Variants in WDR37 observed in about 807,000 individuals in gnomAD.
WDR37 encodes the protein WD repeat-containing protein 37.
WDR37 carries 19 observed loss-of-function variants against 62.9 expected under a neutral mutation model. That is an observed-to-expected ratio of 0.30 (90% CI 0.21 to 0.44). The LOEUF (loss-of-function observed/expected upper bound fraction) is 0.44. Among genes scored for constraint, WDR37 ranks in the 20% least tolerant of loss-of-function variants. WDR37 has a pLI of 1.00. For missense variants in WDR37, 474 were observed against 657.6 expected (o/e 0.72, Z 3.05); for synonymous variants, 250 against 260.9 (o/e 0.96, Z 0.40).
intron 11 of WDR37, among the ~76,000 whole-genome samples, chr10:1,110,603 G>A (rs1220350308): frequency 6.6e-6 from 1 of 152,242 alleles, no homozygotes; most frequent in Admixed American, 6.5e-5. Flanking sequence ...GTGAGGTCCG[G>A]GGTGCGGGTT....
chr10:1,125,971 C>G lies in WDR37; in HGVS notation c.1353+947C>G, dbSNP rs115327037. On this transcript the variant is annotated intron_variant, in intron 13 of 13. Transcript: ENST00000263150. ...ATGGCACCCGCACAGATGCAGAGGC[C>G]CAGGGGGCCTGGGGGCCCGTGTTCA... 2.7e-3 allele frequency among the ~76,000 whole-genome samples: 409 copies of G among 152,262 alleles called. 1 individual carries two copies. Among genetic ancestry groups the G allele is most frequent in the African/African-American group, 9.1e-3 (380 of 41,556 alleles).
chr10:1,110,677 T>G (rs1220260916), intron 11 of WDR37, among the ~76,000 whole-genome samples: 2 of 152,232 alleles, frequency 1.3e-5, no homozygotes, highest in Non-Finnish European at 2.9e-5. Flanking sequence ...GTCTGGGACG[T>G]TCTGAACATG....
At chr10:1,092,040 C>T (rs957363015) in intron 7 of WDR37, among the ~76,000 whole-genome samples, 27 of 151,544 alleles carry the variant, frequency 1.8e-4, no homozygotes, top group Admixed American at 1.1e-3. Flanking sequence ...ATTAGCCGGG[C>T]GTGTTGGCGG....
chr10:1,068,694 G>GA (rs1564496749), intron 1 of WDR37, among the ~76,000 whole-genome samples: 1 of 151,952 alleles, frequency 6.6e-6, no homozygotes, highest in Admixed American at 6.6e-5. Flanking sequence ...GACACTCTTA[G>GA]AAAAAAACCA....
chr10:1,092,872 C>CAAAAAAAAAAAAA (rs56220560), intron 7 of WDR37, among the ~76,000 whole-genome samples: 1,047 of 41,944 alleles, frequency 0.025, 73 homozygotes, highest in Middle Eastern at 0.032. Context: ...CCCTATCTCA[C>CAAAAAAAAAAAAA]AAAAAAAAAA....
intron 9 of WDR37, among the ~76,000 whole-genome samples, chr10:1,100,863 C>T (rs1417520514): frequency 6.6e-6 from 1 of 152,192 alleles, no homozygotes; most frequent in Non-Finnish European, 1.5e-5. Flanking sequence ...TACCCCCCTG[C>T]TGCAGCCTGT....
At chr10:1,126,252 A>G (rs1457459558) in intron 13 of WDR37, among the ~76,000 whole-genome samples, 4 of 151,982 alleles carry the variant, frequency 2.6e-5, no homozygotes, top group Admixed American at 1.3e-4. Flanking sequence ...AAAAATACAA[A>G]AAAATCAGCC....
chr10:1,064,560 A>G (rs1244893523), intron 1 of WDR37, among the ~76,000 whole-genome samples: 1 of 146,830 alleles, frequency 6.8e-6, no homozygotes, highest in Admixed American at 6.8e-5. Flanking sequence ...CTGTAGTGGG[A>G]AACAATTTGA....
At chr10:1,099,111 T>C (rs1834702696) in intron 9 of WDR37, among the ~76,000 whole-genome samples, 1 of 152,254 alleles carries the variant, frequency 6.6e-6, no homozygotes, top group Non-Finnish European at 1.5e-5. Flanking sequence ...CATGTATTTA[T>C]ACCATAAATT....
Position 1,103,727 on chromosome 10 carries a change from C to T in WDR37, c.852C>T (p.Val284=). ...CCCTCAAGAGCCACCAGGGCGTGGT[C>T]ATCGCCTCCGACTGGCTGGTTGGGG... The part of the protein sequence containing the change: ...LTSLKSHQGV[V]IASDWLVGGK... The change falls in exon 10 of 14, where the codon GTC becomes GTT. Residue 284 remains valine, a synonymous_variant. Coordinates refer to ENST00000263150, the MANE Select transcript of WDR37 (RefSeq NM_014023.4). This position sits in a 1 kb window ranked among gnomAD's most constrained non-coding sequence, Gnocchi z 6.3. The T allele has an allele frequency of 6.2e-7, 1 of 1,614,244 alleles. No homozygotes were observed. Among genetic ancestry groups the T allele is most frequent in the Non-Finnish European group, 8.5e-7 (1 of 1,180,052 alleles).
At chr10:1,102,772 G>GTTCCAGTAC (rs1299198664) in intron 9 of WDR37, among the ~76,000 whole-genome samples, 7 of 152,174 alleles carry the variant, frequency 4.6e-5, no homozygotes, top group Non-Finnish European at 8.8e-5. Flanking sequence ...CAAATTATCA[G>GTTCCAGTAC]TTCCAGTACT....
intron 11 of WDR37, among the ~76,000 whole-genome samples, chr10:1,109,449 G>T (rs1156868043): frequency 6.6e-6 from 1 of 152,232 alleles, no homozygotes; most frequent in Non-Finnish European, 1.5e-5. Flanking sequence ...TGCTTAGGCT[G>T]GGCGCGGTGG....
intron 1 of WDR37, among the ~76,000 whole-genome samples, chr10:1,060,957 GCA>G (rs1833354000): frequency 6.6e-6 from 1 of 152,172 alleles, no homozygotes; most frequent in South Asian, 2.1e-4. Flanking sequence ...AGTAGGCTGT[GCA>G]CCTAGCTTTG....
rs1220697161 is a variant in WDR37 at position 1,130,043 on chromosome 10, G to C, written c.*699G>C. ...ATTTTGAAATAGGATTCTAATCACT[G>C]ATTTCAAATATTAAGCAAAATGTAA... On this transcript the variant is annotated 3_prime_UTR_variant, in exon 14 of 14. Coordinates refer to ENST00000263150, the MANE Select transcript of WDR37 (RefSeq NM_014023.4). 6.6e-6 allele frequency: 1 copy of C among 152,618 alleles called. No individual in the cohort carries two copies. Among genetic ancestry groups the C allele is most frequent in the African/African-American group, 2.4e-5 (1 of 41,430 alleles). The allele number at this position is 152,618 out of a possible 1,614,324, so 9.5% of individuals were successfully genotyped here. A position where few individuals can be genotyped will look rare whatever the true frequency, so the allele number is the denominator to read the frequency against.
intron 11 of WDR37, among the ~76,000 whole-genome samples, chr10:1,112,643 T>A (rs1327702098): frequency 6.6e-6 from 1 of 152,220 alleles, no homozygotes; most frequent in African/African-American, 2.4e-5. Context: ...AAACTGCTAC[T>A]CCAGTGAACA....
chr10:1,087,013 C>T (rs1834223275), intron 7 of WDR37, among the ~76,000 whole-genome samples: 1 of 152,222 alleles, frequency 6.6e-6, no homozygotes, highest in African/African-American at 2.4e-5. Flanking sequence ...CGCCTGTGTG[C>T]ACAGAGGGAC....
intron 11 of WDR37, among the ~76,000 whole-genome samples, chr10:1,116,896 C>A (rs982938089): frequency 4.0e-5 from 6 of 150,212 alleles, no homozygotes; most frequent in Admixed American, 3.9e-4. Context: ...GTGGTTCTTT[C>A]TGTGCAAAGG....
At chr10:1,083,011 G>T (rs897034122) in intron 5 of WDR37, among the ~76,000 whole-genome samples, 5 of 152,188 alleles carry the variant, frequency 3.3e-5, no homozygotes, top group Admixed American at 6.5e-5. Flanking sequence ...CTACAATACG[G>T]TTATTAATGT....
intron 2 of WDR37, among the ~76,000 whole-genome samples, chr10:1,076,701 G>A (rs985803443): frequency 1.4e-5 from 2 of 147,222 alleles, no homozygotes; most frequent in African/African-American, 5.0e-5. Flanking sequence ...AAAAGTTTAC[G>A]ACTCATCAGA....
Sources: gnomAD v4.1 joint callset for allele counts (sites outside exome capture counted in the v4.1 genomes callset) on GRCh38, gnomAD v4.1.1 for gene constraint, Gnocchi (gnomAD v3.1) non-coding constraint, MANE v1.5 for transcripts, NCBI Gene and HGNC (gene_info 2026-07-23, HGNC 2026-07-21) for gene names.